The following ARID4B variants were observed in gnomAD, a reference collection of about 807,000 sequenced individuals.
ARID4B encodes AT-rich interaction domain 4B, also known as AT-rich interactive domain-containing protein 4B.
A neutral mutation model predicts 147.5 loss-of-function variants in ARID4B; 26 were observed. The ratio of observed to expected loss-of-function variants is 0.18; its 90% CI spans 0.13 to 0.24. ARID4B has a LOEUF of 0.24. Among genes scored for constraint, ARID4B ranks in the 10% least tolerant of loss-of-function variants. The probability of loss-of-function intolerance (pLI) is 1.00; values close to 1 mark genes in which losing one functional copy is unlikely to be tolerated. For missense variants in ARID4B, 1,179 were observed against 1,511.5 expected (o/e 0.78, Z 3.65); for synonymous variants, 512 against 507.9 (o/e 1.01, Z -0.11).
At chr1:235,314,778 G>C (rs1410932530) in intron 2 of ARID4B, among the ~76,000 whole-genome samples, 1 of 151,972 alleles carries the variant, frequency 6.6e-6, no homozygotes, top group Admixed American at 6.6e-5. Context: ...AGTAAAATAT[G>C]TTTATAAATA....
intron 17 of ARID4B, among the ~76,000 whole-genome samples, chr1:235,201,297 C>T (rs1043048574): frequency 6.6e-6 from 1 of 152,020 alleles, no homozygotes; most frequent in East Asian, 1.9e-4. Context: ...TATTCATCCC[C>T]GAAAGTACAT....
chr1:235,261,019 C>T (rs554060505), intron 2 of ARID4B, among the ~76,000 whole-genome samples: 2 of 152,272 alleles, frequency 1.3e-5, no homozygotes, highest in African/African-American at 4.8e-5. Flanking sequence ...AGCTCACTCA[C>T]AAGTATACCC....
intron 5 of ARID4B, among the ~76,000 whole-genome samples, chr1:235,254,007 A>C (rs998728898): frequency 6.6e-6 from 1 of 152,186 alleles, no homozygotes; most frequent in South Asian, 2.1e-4. Flanking sequence ...ACATTATGTG[A>C]AACTGGATAA....
At chr1:235,214,327 C>CT (rs2103009250) in intron 16 of ARID4B, among the ~76,000 whole-genome samples, 1 of 152,264 alleles carries the variant, frequency 6.6e-6, no homozygotes, top group East Asian at 1.9e-4. Context: ...ATGGTCAACT[C>CT]TAACAATTTT....
intron 19 of ARID4B, among the ~76,000 whole-genome samples, chr1:235,189,626 G>A (rs2102946213): frequency 6.6e-6 from 1 of 151,960 alleles, no homozygotes; most frequent in East Asian, 1.9e-4. Context: ...GCAGTGTCAT[G>A]CACCTATACC....
At chr1:235,270,421 T>G (rs1421695657) in intron 2 of ARID4B, among the ~76,000 whole-genome samples, 1 of 152,152 alleles carries the variant, frequency 6.6e-6, no homozygotes, top group Admixed American at 6.6e-5. Context: ...ATGGCCCCAC[T>G]GTGTATCTTC....
chr1:235,318,580 C>T (rs1674604778), intron 2 of ARID4B, among the ~76,000 whole-genome samples: 1 of 152,092 alleles, frequency 6.6e-6, no homozygotes, highest in African/African-American at 2.4e-5. Context: ...ATACGCAAAT[C>T]CTTATAGACA....
intron 6 of ARID4B, among the ~76,000 whole-genome samples, chr1:235,246,897 T>C (rs1474584513): frequency 7.2e-5 from 11 of 152,108 alleles, no homozygotes; most frequent in Admixed American, 5.2e-4. Context: ...AATTTGTACA[T>C]GGGGAATCAT....
chr1:235,232,726 C>T (rs908205910), intron 9 of ARID4B, among the ~76,000 whole-genome samples: 1 of 152,198 alleles, frequency 6.6e-6, no homozygotes, highest in Non-Finnish European at 1.5e-5. Context: ...TAACGTTTTC[C>T]CATTTTCCTT....
intron 2 of ARID4B, among the ~76,000 whole-genome samples, chr1:235,283,077 A>G (rs1671767525): frequency 6.6e-6 from 1 of 152,210 alleles, no homozygotes; most frequent in Non-Finnish European, 1.5e-5. Context: ...CACCTGGCCG[A>G]TACTACTTCA....
intron 6 of ARID4B, among the ~76,000 whole-genome samples, chr1:235,248,214 G>A (rs1277899747): frequency 1.3e-5 from 2 of 151,890 alleles, no homozygotes; most frequent in African/African-American, 4.8e-5. Context: ...ATCACACCCA[G>A]CTAATTTTTG....
At chr1:235,309,730 A>G (rs1673909946) in intron 2 of ARID4B, among the ~76,000 whole-genome samples, 1 of 152,042 alleles carries the variant, frequency 6.6e-6, no homozygotes, top group South Asian at 2.1e-4. Context: ...GTGGAATAGA[A>G]AGGGGGGAAA....
intron 16 of ARID4B, among the ~76,000 whole-genome samples, chr1:235,217,712 G>T (rs1052837614): frequency 3.3e-5 from 5 of 152,092 alleles, no homozygotes; most frequent in African/African-American, 1.2e-4. Context: ...ATGGAAGAAG[G>T]ACACTGAACA....
chr1:235,279,830 T>C (rs1370943941), intron 2 of ARID4B, among the ~76,000 whole-genome samples: 1 of 152,210 alleles, frequency 6.6e-6, no homozygotes, highest in Non-Finnish European at 1.5e-5. Flanking sequence ...CTAAAAACCC[T>C]GGATGCTGAG....
At chr1:235,225,684 T>C (rs576856856) in intron 11 of ARID4B, among the ~76,000 whole-genome samples, 3 of 152,210 alleles carry the variant, frequency 2.0e-5, no homozygotes, top group African/African-American at 7.2e-5. Flanking sequence ...CTGGCTTAAA[T>C]ATACAGATTT....
rs1427660527 is a variant in ARID4B, at chr1:235,213,987, T to A, written c.1623A>T (p.Glu541Asp). 6.3e-7 allele frequency: 1 copy of A among 1,592,330 alleles called. No individual in the cohort carries two copies. The highest frequency in any genetic ancestry group is 8.6e-7 in the Non-Finnish European group (1 of 1,160,622). Residue 541 changes from glutamate to aspartate, a missense_variant, in exon 17 of 24, where the codon GAA becomes GAT. Transcript: ENST00000264183. Reference protein sequence around the residue: ...TNKEEDEDDEEAEEEEEEEEE... With the variant: ...TNKEEDEDDEDAEEEEEEEEE... ...CTTCCTCCTCCTCCTCCTCTTCTGC[T>A]TCTTCATCATCTTCATCTTCTTCTT...
At chr1:235,209,919 T>A (rs1339939301) in intron 17 of ARID4B, among the ~76,000 whole-genome samples, 1 of 151,924 alleles carries the variant, frequency 6.6e-6, no homozygotes, top group African/African-American at 2.4e-5. Context: ...TTTGAGAAAA[T>A]CTCTTTACCG....
chr1:235,168,800 C>T (rs991559914), intron 23 of ARID4B, 148 bp from the exon 24 acceptor site: 16 of 844,458 alleles, frequency 1.9e-5, no homozygotes, highest in Non-Finnish European at 2.9e-5. Flanking sequence ...CACAGTTCTA[C>T]GATGTGAAGA....
At chr1:235,236,801 C>T (rs1668589233) in intron 8 of ARID4B, among the ~76,000 whole-genome samples, 1 of 123,726 alleles carries the variant, frequency 8.1e-6, no homozygotes, top group Admixed American at 1.0e-4. Flanking sequence ...GTGTGAGCCG[C>T]CGCGCCTGGC....
Sources: allele counts gnomAD v4.1 joint callset (sites outside exome capture counted in the v4.1 genomes callset), GRCh38; gene constraint gnomAD v4.1.1; transcripts MANE v1.5; gene names NCBI Gene and HGNC (gene_info 2026-07-23, HGNC 2026-07-21).